MACROD2: variants seen among roughly 807,000 people sequenced by gnomAD.
The protein encoded by MACROD2 is mono-ADP ribosylhydrolase 2.
Under a neutral mutation model 70.4 loss-of-function variants are expected in MACROD2, and 36 were observed. The observed-to-expected ratio is 0.51, with a 90% CI of 0.39 to 0.68. MACROD2 has a LOEUF of 0.68. Ranked by LOEUF, MACROD2 falls within the 30% of genes least tolerant of loss-of-function variation. The pLI, the probability that MACROD2 is intolerant of heterozygous loss-of-function variation, is 0.00. For missense variants in MACROD2, 496 were observed against 538.4 expected (o/e 0.92, Z 0.78); for synonymous variants, 172 against 178.8 (o/e 0.96, Z 0.30).
chr20:15,663,510 A>G lies in MACROD2; in HGVS notation c.645+163663A>G, dbSNP rs571610722. ...CTCGGCCTCCCAAAGTACTGGGAAT[A>G]TAGGCATGAGCCATCGTGCCTCGCC... On this transcript the variant is annotated intron_variant, in intron 8 of 17. Coordinates refer to ENST00000684519, the MANE Select transcript of MACROD2 (RefSeq NM_001351661.2). 2.6e-5 allele frequency among the ~76,000 whole-genome samples: 4 copies of G among 152,176 alleles called. No homozygotes were observed. The East Asian group carries it at 7.7e-4, about 29-fold the overall frequency.
intron 4 of MACROD2, among the ~76,000 whole-genome samples, chr20:14,522,245 G>A (rs1429072783): frequency 9.2e-6 from 1 of 108,260 alleles, no homozygotes; most frequent in Non-Finnish European, 2.3e-5. Context: ...CAGATAGATA[G>A]GTCCTCAACA....
intron 7 of MACROD2, among the ~76,000 whole-genome samples, chr20:15,457,658 T>C (rs1223507384): frequency 6.6e-6 from 1 of 152,206 alleles, no homozygotes; most frequent in Non-Finnish European, 1.5e-5. Flanking sequence ...CCTCTGCCTT[T>C]AGTTGTATAA....
intron 3 of MACROD2, among the ~76,000 whole-genome samples, chr20:14,409,746 C>T (rs554916463): frequency 1.3e-5 from 2 of 152,230 alleles, no homozygotes; most frequent in East Asian, 1.9e-4. Flanking sequence ...TGGCTATAAA[C>T]GTGAGGCTTA....
intron 8 of MACROD2, among the ~76,000 whole-genome samples, chr20:15,733,024 A>G (rs778465707): frequency 5.3e-5 from 8 of 151,986 alleles, no homozygotes; most frequent in Non-Finnish European, 7.4e-5. Context: ...CACATTATCT[A>G]TTTCTTCTTG....
chr20:16,013,663 G>A (rs73898329), intron 15 of MACROD2, among the ~76,000 whole-genome samples: 4 of 152,140 alleles, frequency 2.6e-5, no homozygotes, highest in African/African-American at 9.7e-5. Flanking sequence ...TAAGTAAATG[G>A]CCTACCACAG....
intron 5 of MACROD2, among the ~76,000 whole-genome samples, chr20:14,820,993 C>T (rs920791567): frequency 7.9e-5 from 12 of 152,006 alleles, no homozygotes; most frequent in Non-Finnish European, 1.6e-4. Context: ...AACCAGAGTT[C>T]GGCATTTTCA....
chr20:15,167,030 A>C (rs1313773802), intron 5 of MACROD2, among the ~76,000 whole-genome samples: 5 of 151,576 alleles, frequency 3.3e-5, no homozygotes, highest in Admixed American at 3.3e-4. Flanking sequence ...TTAGGGGAAA[A>C]ATACTAAAAT....
intron 5 of MACROD2, among the ~76,000 whole-genome samples, chr20:15,184,386 A>C (rs546817925): frequency 6.6e-6 from 1 of 152,126 alleles, no homozygotes; most frequent in Non-Finnish European, 1.5e-5. Context: ...TTTTACCCAC[A>C]TGTGTCAGTC....
At chr20:15,623,767 CTATG>C (rs1431422066) in intron 8 of MACROD2, among the ~76,000 whole-genome samples, 2 of 150,980 alleles carry the variant, frequency 1.3e-5, no homozygotes, top group South Asian at 2.1e-4. Flanking sequence ...GCCTATCTAT[CTATG>C]TGTCTATCTA....
chr20:15,534,296 A>G (rs927639411), intron 8 of MACROD2, among the ~76,000 whole-genome samples: 1 of 152,256 alleles, frequency 6.6e-6, no homozygotes, highest in African/African-American at 2.4e-5. Flanking sequence ...TGAAAAATGT[A>G]TAGCTAGAGT....
intron 4 of MACROD2, among the ~76,000 whole-genome samples, chr20:14,596,412 C>T (rs928863456): frequency 1.4e-5 from 2 of 143,030 alleles, no homozygotes; most frequent in African/African-American, 2.6e-5. Context: ...ATTTTTTAAA[C>T]ATATATATAT....
intron 3 of MACROD2, among the ~76,000 whole-genome samples, chr20:14,241,168 G>T (rs1024284505): frequency 2.0e-5 from 3 of 152,166 alleles, no homozygotes; most frequent in African/African-American, 7.2e-5. Context: ...AGAAGTATTT[G>T]CTAACGCATA....
At chr20:15,313,323 G>A (rs886092232) in intron 6 of MACROD2, among the ~76,000 whole-genome samples, 10 of 151,926 alleles carry the variant, frequency 6.6e-5, no homozygotes, top group Admixed American at 3.9e-4. Flanking sequence ...TGGCTAACAC[G>A]ATGAAATCCT....
chr20:15,359,008 G>A (rs927088461), intron 6 of MACROD2, among the ~76,000 whole-genome samples: 1 of 152,110 alleles, frequency 6.6e-6, no homozygotes, highest in African/African-American at 2.4e-5. Context: ...TCTTCAACGT[G>A]CTATTCTCTT....
rs59129207 is a variant in MACROD2, at chr20:15,227,823, G to GTTTTTTTTTTTTTTTTTT, written c.419-2108_419-2091dup. On this transcript the variant is annotated intron_variant, in intron 5 of 17. Coordinates refer to ENST00000684519, the MANE Select transcript of MACROD2 (RefSeq NM_001351661.2). ...TAACTGGTGTGATAGAATTTCACCT[G>GTTTTTTTTTTTTTTTTTT]TTTTTTTTTTTTTTTTTTTTTTTTT... Among the ~76,000 whole-genome samples the GTTTTTTTTTTTTTTTTTT allele has an allele frequency of 1.0e-3, 48 of 46,102 alleles. 11 individuals carry two copies. Among genetic ancestry groups the GTTTTTTTTTTTTTTTTTT allele is most frequent in the Non-Finnish European group, 1.5e-3 (40 of 25,996 alleles). The allele number at this position is 46,102 out of a possible 152,430, so 30.2% of individuals were successfully genotyped here.
At chr20:14,954,460 A>G (rs535894140) in intron 5 of MACROD2, among the ~76,000 whole-genome samples, 1 of 144,540 alleles carries the variant, frequency 6.9e-6, no homozygotes, top group African/African-American at 2.5e-5. Flanking sequence ...GTAAAATGGA[A>G]TTGAAATTAT....
intron 3 of MACROD2, among the ~76,000 whole-genome samples, chr20:14,217,865 C>T (rs984527683): frequency 1.1e-4 from 16 of 152,160 alleles, no homozygotes; most frequent in African/African-American, 2.9e-4. Context: ...TCTCCTGTTT[C>T]ATTTCTTAGT....
At chr20:14,008,314 G>T (rs2052850613) in intron 2 of MACROD2, among the ~76,000 whole-genome samples, 1 of 152,138 alleles carries the variant, frequency 6.6e-6, no homozygotes, top group Non-Finnish European at 1.5e-5. Flanking sequence ...CTCTAGCATT[G>T]CTATACACCA....
At chr20:14,598,974 C>T (rs1440182672) in intron 4 of MACROD2, among the ~76,000 whole-genome samples, 1 of 152,034 alleles carries the variant, frequency 6.6e-6, no homozygotes, top group Admixed American at 6.6e-5. Flanking sequence ...GCTATATTTA[C>T]ATAGATATAA....
Sources: gnomAD v4.1 joint callset for allele counts (sites outside exome capture counted in the v4.1 genomes callset) on GRCh38, gnomAD v4.1.1 for gene constraint, MANE v1.5 for transcripts, NCBI Gene and HGNC (gene_info 2026-07-23, HGNC 2026-07-21) for gene names.